GLG1: variants seen among roughly 807,000 people sequenced by gnomAD.
The protein encoded by GLG1 is golgi glycoprotein 1.
Under a neutral mutation model 160.5 loss-of-function variants are expected in GLG1, and 38 were observed. The ratio of observed to expected loss-of-function variants is 0.24; its 90% CI spans 0.18 to 0.31. The LOEUF (loss-of-function observed/expected upper bound fraction) is 0.31. GLG1 is among the 10% of genes least tolerant of loss of function. The pLI is 1.00. For synonymous variants in GLG1, 644 were observed against 543.4 expected, an observed-to-expected ratio of 1.19 and a Z score of -2.57; for missense variants, 1,373 against 1,505.2, an observed-to-expected ratio of 0.91 and a Z score of 1.45.
chr16:74,478,669 T>C (rs966436845), intron 11 of GLG1, among the ~76,000 whole-genome samples: 3 of 151,924 alleles, frequency 2.0e-5, no homozygotes, highest in African/African-American at 7.3e-5. Context: ...CCCAGCTCTT[T>C]GGGAGGCTGA....
Position 74,451,929 on chromosome 16 carries a change from C to A in GLG1, c.*1238G>T. ...TGCCTACTAGAGTGGGTACACGCAG[C>A]AAATGGACAGAAAGAAAAAAAACAG... On this transcript the variant is annotated 3_prime_UTR_variant, in exon 26 of 26. Transcript: ENST00000422840. 8.1e-6 allele frequency: 6 copies of A among 736,764 alleles called. No individual in the cohort carries two copies. Among genetic ancestry groups the A allele is most frequent in the Non-Finnish European group, 1.4e-5 (6 of 420,172 alleles). The allele number at this position is 736,764 out of a possible 1,614,324, so 45.6% of individuals were successfully genotyped here.
At chr16:74,550,938 C>A (rs1462007095) in intron 1 of GLG1, among the ~76,000 whole-genome samples, 1 of 152,146 alleles carries the variant, frequency 6.6e-6, no homozygotes, top group Non-Finnish European at 1.5e-5. Context: ...TGTACAATAA[C>A]ACACCTCCAG....
At chr16:74,572,215 A>G (rs749565923) in intron 1 of GLG1, among the ~76,000 whole-genome samples, 2 of 152,212 alleles carry the variant, frequency 1.3e-5, no homozygotes, top group Non-Finnish European at 2.9e-5. Context: ...AAGACTCCAT[A>G]AAAACCCCAA....
At chr16:74,525,540 C>T (rs2143576761) in intron 2 of GLG1, among the ~76,000 whole-genome samples, 1 of 150,848 alleles carries the variant, frequency 6.6e-6, no homozygotes, top group South Asian at 2.1e-4. Flanking sequence ...AAACTATCCT[C>T]CGGTATTAAC....
chr16:74,484,925 G>C (rs2015738602), intron 9 of GLG1, among the ~76,000 whole-genome samples: 1 of 151,912 alleles, frequency 6.6e-6, no homozygotes, highest in Non-Finnish European at 1.5e-5. Flanking sequence ...GCTTGGTTTG[G>C]TTTTTTGAGA....
At chr16:74,570,205 T>C (rs928697024) in intron 1 of GLG1, among the ~76,000 whole-genome samples, 7 of 152,220 alleles carry the variant, frequency 4.6e-5, no homozygotes, top group Admixed American at 3.9e-4. Flanking sequence ...TATTTCCTTC[T>C]AGGTGCTTTT....
intron 3 of GLG1, among the ~76,000 whole-genome samples, chr16:74,506,947 C>G (rs1488751091): frequency 1.3e-5 from 2 of 152,094 alleles, no homozygotes; most frequent in African/African-American, 4.8e-5. Context: ...TGCAGTCACT[C>G]TATTTTTTGA....
intron 2 of GLG1, among the ~76,000 whole-genome samples, chr16:74,530,817 T>C (rs573877942): frequency 2.3e-4 from 35 of 152,264 alleles, no homozygotes; most frequent in African/African-American, 7.9e-4. Flanking sequence ...TATTTGCTAA[T>C]CAAATGGATG....
intron 1 of GLG1, among the ~76,000 whole-genome samples, chr16:74,590,598 G>A (rs1958153767): frequency 6.8e-6 from 1 of 147,284 alleles, no homozygotes; most frequent in Non-Finnish European, 1.5e-5. Context: ...TCCAGCCTGG[G>A]CAACTGAGTG....
intron 2 of GLG1, among the ~76,000 whole-genome samples, chr16:74,516,310 G>A (rs1300540578): frequency 6.6e-6 from 1 of 151,600 alleles, no homozygotes; most frequent in Admixed American, 6.6e-5. Context: ...TGGAAGTAAA[G>A]CACTCCTCAG....
chr16:74,524,466 G>C (rs2017274032), intron 2 of GLG1, among the ~76,000 whole-genome samples: 1 of 151,494 alleles, frequency 6.6e-6, no homozygotes. Context: ...TTGGAAATTT[G>C]AATGCTAATT....
At chr16:74,509,163 ATT>A (rs11295055) in intron 2 of GLG1, among the ~76,000 whole-genome samples, 2,120 of 89,612 alleles carry the variant, frequency 0.024, 11 homozygotes, top group Non-Finnish European at 0.032. Context: ...CTAAAGGACA[ATT>A]TTTTTTTTTT....
intron 1 of GLG1, among the ~76,000 whole-genome samples, chr16:74,555,219 A>C (rs557058566): frequency 6.6e-6 from 1 of 152,268 alleles, no homozygotes; most frequent in African/African-American, 2.4e-5. Context: ...AAAACTGATC[A>C]AGAAAGCCAA....
intron 2 of GLG1, among the ~76,000 whole-genome samples, chr16:74,509,368 C>G (rs376218511): frequency 8.6e-5 from 13 of 151,662 alleles, no homozygotes; most frequent in Admixed American, 2.0e-4. Context: ...GTAAGGTTTT[C>G]AAGGAAAATA....
At chr16:74,582,926 C>A (rs188595241) in intron 1 of GLG1, among the ~76,000 whole-genome samples, 80 of 152,214 alleles carry the variant, frequency 5.3e-4, no homozygotes, top group African/African-American at 1.8e-3. Flanking sequence ...AAACCATGCT[C>A]TTTTCTCAGT....
At chr16:74,498,468 T>TATATATATATATATATATATATATATAAA (rs1491206560) in intron 4 of GLG1, among the ~76,000 whole-genome samples, 1 of 29,668 alleles carries the variant, frequency 3.4e-5, no homozygotes, top group African/African-American at 9.9e-5. Context: ...ATATATATAT[T>TATATATATATATATATATATATATATAAA]ATATTTTATA....
intron 2 of GLG1, among the ~76,000 whole-genome samples, chr16:74,511,660 C>T (rs1350449379): frequency 7.0e-6 from 1 of 143,500 alleles, no homozygotes; most frequent in African/African-American, 2.6e-5. Flanking sequence ...TTAGGACAAA[C>T]AGTAACAAAA....
In GLG1 at chr16:74,508,888, G is replaced by A. The variant is rs755897691; in HGVS notation, c.509C>T (p.Pro170Leu). 3 of 1,536,704 alleles carry A rather than the reference G, an allele frequency of 2.0e-6. No homozygotes were observed. Among genetic ancestry groups the A allele is most frequent in the Admixed American group, 3.3e-5 (2 of 59,830 alleles). Residue 170 changes from proline to leucine, a missense_variant, in exon 3 of 26, where the codon CCC becomes CTC. Coordinates refer to ENST00000422840, the MANE Select transcript of GLG1 (RefSeq NM_001145667.2). The stretch of plus-strand genomic sequence containing the variant: ...CTCTCTGGCCACAGATTCAAATTTG[G>A]GATCTGTAGTTAGGTTCAGCTTATA... ...WNYKLNLTTD[P>L]KFESVAREVC... is the part of the protein sequence containing the mutation.
intron 1 of GLG1, among the ~76,000 whole-genome samples, chr16:74,596,626 A>G (rs146137410): frequency 6.6e-6 from 1 of 152,348 alleles, no homozygotes; most frequent in African/African-American, 2.4e-5. Context: ...CAAACAGGCC[A>G]TGTTTCAACT....
Sources: gnomAD v4.1 joint callset for allele counts (sites outside exome capture counted in the v4.1 genomes callset) on GRCh38, gnomAD v4.1.1 for gene constraint, MANE v1.5 for transcripts, NCBI Gene and HGNC (gene_info 2026-07-23, HGNC 2026-07-21) for gene names.